BMPR2: variants seen among roughly 807,000 people sequenced by gnomAD.
BMPR2 encodes bone morphogenetic protein receptor type-2.
In BMPR2, 29 loss-of-function variants were observed where a neutral mutation model predicts 100.8. That is an observed-to-expected ratio of 0.29 (90% CI 0.21 to 0.39). The LOEUF (loss-of-function observed/expected upper bound fraction) is 0.39. Ranked by LOEUF, BMPR2 falls within the 10% of genes least tolerant of loss-of-function variation. The pLI is 1.00. For synonymous variants in BMPR2, 382 were observed against 442.3 expected, an observed-to-expected ratio of 0.86 and a Z score of 1.71; for missense variants, 1,011 against 1,274.5, an observed-to-expected ratio of 0.79 and a Z score of 3.15.
chr2:202,467,612 G>A lies in BMPR2; in HGVS notation c.341G>A (p.Arg114His). 5.0e-6 allele frequency: 8 copies of A among 1,606,656 alleles called. No individual in the cohort carries two copies. Among genetic ancestry groups the A allele is most frequent in the Non-Finnish European group, 6.8e-6 (8 of 1,173,272 alleles). Residue 114 changes from arginine to histidine, a missense_variant, in exon 3 of 13, where the codon CGT becomes CAT. By Grantham distance (29) the Arg-to-His change is conservative. Coordinates refer to ENST00000374580, the MANE Select transcript of BMPR2 (RefSeq NM_001204.7). ...TPPSIQNGTYRFCCCSTDLCN... is the reference protein window; with the variant it reads ...TPPSIQNGTYHFCCCSTDLCN... ...CCCTCAATTCAGAATGGAACATACCGTTTCTGCTGTTGTAGCACAGATTTA... is the reference window on the plus strand; with the variant it reads ...CCCTCAATTCAGAATGGAACATACCATTTCTGCTGTTGTAGCACAGATTTA...
intron 1 of BMPR2, among the ~76,000 whole-genome samples, chr2:202,430,746 G>A (rs1467246214): frequency 6.6e-6 from 1 of 150,508 alleles, no homozygotes; most frequent in Non-Finnish European, 1.5e-5. Flanking sequence ...GATCACCTGA[G>A]GTCAGGAGTT....
At chr2:202,469,462 C>G (rs1266136944) in intron 3 of BMPR2, 1 of 291,148 alleles carries the variant, frequency 3.4e-6, no homozygotes, top group Non-Finnish European at 6.9e-6. Context: ...ATAAATGAAC[C>G]CAATTTTATT....
At chr2:202,419,099 T>C (rs573607074) in intron 1 of BMPR2, among the ~76,000 whole-genome samples, 1 of 152,260 alleles carries the variant, frequency 6.6e-6, no homozygotes, top group African/African-American at 2.4e-5. Flanking sequence ...GATAGAAATT[T>C]GAGGAGAAGA....
chr2:202,395,879 G>C (rs1186058211), intron 1 of BMPR2, among the ~76,000 whole-genome samples: 1 of 152,156 alleles, frequency 6.6e-6, no homozygotes, highest in Non-Finnish European at 1.5e-5. Context: ...GGAGGTTGCA[G>C]TGAGCTGAGA....
intron 1 of BMPR2, among the ~76,000 whole-genome samples, chr2:202,451,950 C>G (rs778361643): frequency 7.9e-5 from 12 of 152,014 alleles, no homozygotes; most frequent in Non-Finnish European, 1.6e-4. Flanking sequence ...GATGCGGTTT[C>G]TCCATGTTGG....
chr2:202,461,915 CTTT>C, intron 1 of BMPR2, among the ~76,000 whole-genome samples: 1 of 151,526 alleles, frequency 6.6e-6, no homozygotes. Flanking sequence ...CATTCAATTT[CTTT>C]TTTTATTATT....
chr2:202,490,527 A>G (rs543393870), intron 3 of BMPR2, among the ~76,000 whole-genome samples: 1 of 152,248 alleles, frequency 6.6e-6, no homozygotes, highest in Non-Finnish European at 1.5e-5. Context: ...CCACAATGAT[A>G]TAAATAAAAA....
At position 202,489,001 on chromosome 2, in the gene BMPR2, CTT is replaced by C. The variant is rs199776901; in HGVS notation, c.418+21328_418+21329del. Among the ~76,000 whole-genome samples, 76 of 137,222 alleles carry C rather than the reference CTT, an allele frequency of 5.5e-4. No individual in the cohort carries two copies. In the Middle Eastern group the frequency reaches 0.016, roughly 28 times the overall value. The allele number at this position is 137,222 out of a possible 152,430, so 90.0% of individuals were successfully genotyped here. A position where few individuals can be genotyped will look rare whatever the true frequency, so the allele number is the denominator to read the frequency against. ...TCATAAGGTATCTGTCTTTTTGTTACTTTTTTTTTTTTTTTTTGAGGTGGAGT... is the reference window on the plus strand; with the variant it reads ...TCATAAGGTATCTGTCTTTTTGTTACTTTTTTTTTTTTTTTGAGGTGGAGT... On this transcript the variant is annotated intron_variant, in intron 3 of 12. Coordinates refer to ENST00000374580, the MANE Select transcript of BMPR2 (RefSeq NM_001204.7).
intron 1 of BMPR2, among the ~76,000 whole-genome samples, chr2:202,462,092 C>G (rs1692235828): frequency 6.6e-6 from 1 of 152,056 alleles, no homozygotes; most frequent in Non-Finnish European, 1.5e-5. Context: ...ATTTAATTCT[C>G]CTGGGGACTG....
chr2:202,393,933 G>GAGAGAT (rs1690608813), intron 1 of BMPR2, among the ~76,000 whole-genome samples: 1 of 121,680 alleles, frequency 8.2e-6, no homozygotes. Context: ...GAGAGAGAGA[G>GAGAGAT]ATTCCTGTGA....
rs1238631453 is a variant in BMPR2 at position 202,562,381 on chromosome 2, T to G, written c.*2435T>G. ...TCAAGCATGTTTAAAACAAATAATT[T>G]CCTTTCACCAGTTTTTCTTAGTAAA... On this transcript the variant is annotated 3_prime_UTR_variant, in exon 13 of 13. Coordinates refer to ENST00000374580, the MANE Select transcript of BMPR2 (RefSeq NM_001204.7). 1.3e-5 allele frequency: 2 copies of G among 152,614 alleles called. No individual in the cohort carries two copies. The highest frequency in any genetic ancestry group is 3.8e-4 in the East Asian group (2 of 5,202). The allele number at this position is 152,614 out of a possible 1,614,324, so 9.5% of individuals were successfully genotyped here. A position where few individuals can be genotyped will look rare whatever the true frequency, so the allele number is the denominator to read the frequency against.
rs1367659003 is a variant in BMPR2, at chr2:202,503,649, C to T, written c.419-10070C>T. ...CCTGCAGCCCGCCATGCCTGAGCCT[C>T]CCACCCCCTCCATGGGCCCCTGTGC... On this transcript the variant is annotated intron_variant, in intron 3 of 12. Transcript: ENST00000374580. The surrounding 1 kb of genome is among the most constrained non-coding windows in gnomAD (Gnocchi z 4.0). Among the ~76,000 whole-genome samples, 1 of 152,196 alleles carries T rather than the reference C, an allele frequency of 6.6e-6. No homozygotes were observed. Among genetic ancestry groups the T allele is most frequent in the Non-Finnish European group, 1.5e-5 (1 of 68,026 alleles).
chr2:202,402,627 A>AGT (rs1690788148), intron 1 of BMPR2, among the ~76,000 whole-genome samples: 1 of 151,796 alleles, frequency 6.6e-6, no homozygotes, highest in Non-Finnish European at 1.5e-5. Flanking sequence ...ATAAGAAACA[A>AGT]TACTGATAGC....
intron 3 of BMPR2, among the ~76,000 whole-genome samples, chr2:202,510,260 A>G (rs983111475): frequency 2.6e-5 from 4 of 152,226 alleles, no homozygotes; most frequent in African/African-American, 9.6e-5. Context: ...GTACTAAAAA[A>G]TACAAAAATT....
rs763670396 is a variant in BMPR2 at position 202,556,475 on chromosome 2, G to A, written c.2810G>A (p.Arg937Lys). ...PGPSKPRRAQ[R>K]PNSLDLSATN... is the part of the protein sequence containing the mutation. The stretch of plus-strand genomic sequence containing the variant: ...CCATCAAAGCCCAGAAGAGCACAGA[G>A]GCCTAATTCTCTGGATCTTTCAGCC... The change falls in exon 12 of 13, where the codon AGG (arginine) becomes AAG (lysine). Residue 937 changes from arginine (R) to lysine (K), a missense_variant. Physicochemically the swap from Arg to Lys is conservative, Grantham distance 26. Transcript: ENST00000374580. 1 of 1,613,994 alleles carries A rather than the reference G, an allele frequency of 6.2e-7. No homozygotes were observed. Among genetic ancestry groups the A allele is most frequent in the East Asian group, 2.2e-5 (1 of 44,896 alleles).
chr2:202,477,122 G>A (rs1387912445), intron 3 of BMPR2, among the ~76,000 whole-genome samples: 1 of 152,156 alleles, frequency 6.6e-6, no homozygotes, highest in Non-Finnish European at 1.5e-5. Flanking sequence ...TTTAGCCTCT[G>A]TGCATCAATT....
At chr2:202,436,041 C>T (rs1331165121) in intron 1 of BMPR2, among the ~76,000 whole-genome samples, 1 of 150,734 alleles carries the variant, frequency 6.6e-6, no homozygotes, top group Admixed American at 6.6e-5. Context: ...TTTACCTTTG[C>T]ATTTGGTCAT....
rs1688778908 is a variant in BMPR2 at position 202,567,271 on chromosome 2, T to C, written c.*7325T>C. The C allele has an allele frequency of 1.3e-5, 2 of 152,634 alleles. No homozygotes were observed. The allele number at this position is 152,634 out of a possible 1,614,324, so 9.5% of individuals were successfully genotyped here. ...CAGGAGAAACATAAGCTACGGAGTA[T>C]TCACTTCTGAGGATGCTTTTCCGGA... On this transcript the variant is annotated 3_prime_UTR_variant, in exon 13 of 13. Coordinates refer to ENST00000374580, the MANE Select transcript of BMPR2 (RefSeq NM_001204.7).
At chr2:202,397,603 A>G (rs1242647892) in intron 1 of BMPR2, among the ~76,000 whole-genome samples, 4 of 151,428 alleles carry the variant, frequency 2.6e-5, no homozygotes, top group Admixed American at 6.6e-5. Context: ...GGCTCAAACA[A>G]TTCTGCTGCC....
Sources: gnomAD v4.1 joint callset for allele counts (sites outside exome capture counted in the v4.1 genomes callset) on GRCh38, gnomAD v4.1.1 for gene constraint, Gnocchi (gnomAD v3.1) non-coding constraint, MANE v1.5 for transcripts, NCBI Gene and HGNC (gene_info 2026-07-23, HGNC 2026-07-21) for gene names.